NHS: variants seen among roughly 807,000 people sequenced by gnomAD.
NHS encodes the protein actin remodeling regulator NHS.
NHS carries 5 observed loss-of-function variants against 72.5 expected under a neutral mutation model. The ratio of observed to expected loss-of-function variants is 0.07; its 90% confidence interval spans 0.04 to 0.14. NHS has a LOEUF of 0.14. Ranked by LOEUF, NHS falls within the 10% of genes least tolerant of loss-of-function variation. The pLI is 1.00. For missense variants in NHS, 1,072 were observed against 1,355.7 expected, an observed-to-expected ratio of 0.79 and a Z score of 3.29; for synonymous variants, 464 against 547.7, an observed-to-expected ratio of 0.85 and a Z score of 2.13.
chrX:17,416,790 GTA>G (rs1189770410), intron 1 of NHS, among the ~76,000 whole-genome samples: 5 of 104,895 alleles, frequency 4.8e-5, no homozygotes, highest in African/African-American at 1.1e-4. Context: ...AAATGTAGGA[GTA>G]TGTGTGTGTG....
intron 1 of NHS, among the ~76,000 whole-genome samples, chrX:17,452,757 C>T (rs1327268443): frequency 9.0e-6 from 1 of 111,703 alleles, no homozygotes; most frequent in Non-Finnish European, 1.9e-5. Flanking sequence ...GGTGCTCACC[C>T]TTGGTCCAAT....
At chrX:17,422,537 G>T (rs2064629421) in intron 1 of NHS, among the ~76,000 whole-genome samples, 1 of 111,722 alleles carries the variant, frequency 9.0e-6, no homozygotes, top group African/African-American at 3.3e-5. Context: ...ATCATTCTTT[G>T]CTGTGGAGCT....
At chrX:17,566,032 G>A (rs762793500) in intron 1 of NHS, among the ~76,000 whole-genome samples, 1 of 107,491 alleles carries the variant, frequency 9.3e-6, no homozygotes, top group African/African-American at 3.4e-5. Context: ...AGGCTGGAGT[G>A]CAGTGGTGTG....
intron 1 of NHS, among the ~76,000 whole-genome samples, chrX:17,408,899 G>A (rs974442377): frequency 3.6e-5 from 4 of 111,143 alleles, no homozygotes; most frequent in Non-Finnish European, 3.8e-5. Context: ...AGATAACTGC[G>A]TTCTTGCTGT....
chrX:17,683,768 T>A (rs2066142936), intron 1 of NHS, among the ~76,000 whole-genome samples: 1 of 112,015 alleles, frequency 8.9e-6, no homozygotes, highest in African/African-American at 3.3e-5. Context: ...GAGCCTTATT[T>A]CCTGTTGTAA....
At chrX:17,709,668 G>C (rs1401969116) in intron 3 of NHS, among the ~76,000 whole-genome samples, 1 of 111,790 alleles carries the variant, frequency 8.9e-6, no homozygotes, top group East Asian at 2.8e-4. Context: ...TGGAGGAATG[G>C]AAGGAAGGGG....
At chrX:17,446,464 T>G (rs930452240) in intron 1 of NHS, among the ~76,000 whole-genome samples, 6 of 109,715 alleles carry the variant, frequency 5.5e-5, no homozygotes, top group Non-Finnish European at 1.1e-4. Flanking sequence ...TCCTGGCTCA[T>G]CCTGGCTCAA....
At chrX:17,432,882 G>A (rs2064700340) in intron 1 of NHS, among the ~76,000 whole-genome samples, 2 of 111,684 alleles carry the variant, frequency 1.8e-5, no homozygotes, top group Admixed American at 1.9e-4. Flanking sequence ...TGAAGAGGTG[G>A]GCGACAGTGG....
chrX:17,657,802 C>T (rs1174995998), intron 1 of NHS, among the ~76,000 whole-genome samples: 1 of 112,890 alleles, frequency 8.9e-6, no homozygotes, highest in Admixed American at 9.3e-5. Flanking sequence ...CTCCTTTGCA[C>T]TTTAAAGCCA....
intron 1 of NHS, among the ~76,000 whole-genome samples, chrX:17,574,037 G>A (rs1336135641): frequency 2.7e-5 from 3 of 111,404 alleles, no homozygotes; most frequent in East Asian, 2.9e-4. Flanking sequence ...ACTGCTGCCC[G>A]ATCCTTCCTC....
intron 1 of NHS, among the ~76,000 whole-genome samples, chrX:17,448,502 C>T (rs2064792180): frequency 1.8e-5 from 2 of 112,080 alleles, no homozygotes; most frequent in Admixed American, 1.9e-4. Context: ...AATCAGGTCT[C>T]CCATCAGGAA....
chrX:17,602,154 G>T (rs900479251), intron 1 of NHS, among the ~76,000 whole-genome samples: 36 of 111,295 alleles, frequency 3.2e-4, no homozygotes, highest in African/African-American at 1.2e-3. Context: ...TAGGATTGGT[G>T]AGATCAGGCA....
At chrX:17,399,340 G>T (rs2064491974) in intron 1 of NHS, among the ~76,000 whole-genome samples, 1 of 111,290 alleles carries the variant, frequency 9.0e-6, no homozygotes, top group Non-Finnish European at 1.9e-5. Flanking sequence ...GACCTCAAGT[G>T]ATCCACCCGC....
chrX:17,604,057 T>C (rs2065666220), intron 1 of NHS, among the ~76,000 whole-genome samples: 1 of 111,281 alleles, frequency 9.0e-6, no homozygotes, highest in Non-Finnish European at 1.9e-5. Context: ...TAAATAATAG[T>C]TTTAAAATGT....
chrX:17,446,463 A>C (rs921814803), intron 1 of NHS, among the ~76,000 whole-genome samples: 6 of 109,623 alleles, frequency 5.5e-5, no homozygotes, highest in Non-Finnish European at 1.1e-4. Context: ...CTCCTGGCTC[A>C]TCCTGGCTCA....
chrX:17,443,290 T>A (rs184713030), intron 1 of NHS, among the ~76,000 whole-genome samples: 1 of 112,485 alleles, frequency 8.9e-6, no homozygotes, highest in East Asian at 2.8e-4. Flanking sequence ...TTCTACCATG[T>A]CTTTCTCTTG....
chrX:17,627,026 T>C (rs2065800799), intron 1 of NHS, among the ~76,000 whole-genome samples: 1 of 112,308 alleles, frequency 8.9e-6, no homozygotes, highest in African/African-American at 3.2e-5. Context: ...TGTCATTGAA[T>C]GGGCAAATGA....
intron 1 of NHS, among the ~76,000 whole-genome samples, chrX:17,531,254 C>G (rs1318361894): frequency 9.3e-6 from 1 of 107,417 alleles, no homozygotes; most frequent in African/African-American, 3.4e-5. Context: ...TCTGAGCTTT[C>G]TCATCCCCCT....
chrX:17,661,791 C>G (rs1352964991), intron 1 of NHS, among the ~76,000 whole-genome samples: 1 of 112,111 alleles, frequency 8.9e-6, no homozygotes, highest in African/African-American at 3.2e-5. Context: ...AGCTGCATCC[C>G]TCTTTGGGAA....
Sources: gnomAD v4.1 joint callset for allele counts (sites outside exome capture counted in the v4.1 genomes callset) on GRCh38, gnomAD v4.1.1 for gene constraint, MANE v1.5 for transcripts, NCBI Gene and HGNC (gene_info 2026-07-23, HGNC 2026-07-21) for gene names.